Variants in ASTN2 observed in about 807,000 individuals in gnomAD.
ASTN2 encodes astrotactin-2.
Under a neutral mutation model 139.8 loss-of-function variants are expected in ASTN2, and 54 were observed. The ratio of observed to expected loss-of-function variants is 0.39; its 90% confidence interval spans 0.31 to 0.48. The LOEUF (loss-of-function observed/expected upper bound fraction) is 0.48, where lower values mean the gene tolerates loss of function less well. ASTN2 is among the 20% of genes least tolerant of loss of function. The pLI is 0.95. For synonymous variants in ASTN2, 756 were observed against 719.5 expected, an observed-to-expected ratio of 1.05 and a Z score of -0.81; for missense variants, 1,565 against 1,725.1, an observed-to-expected ratio of 0.91 and a Z score of 1.64.
At chr9:117,326,887 AT>A (rs1424205175) in intron 1 of ASTN2, among the ~76,000 whole-genome samples, 8 of 152,178 alleles carry the variant, frequency 5.3e-5, no homozygotes, top group Non-Finnish European at 1.0e-4. Context: ...AAGGATAAAC[AT>A]TTTACCAGTT....
chr9:116,815,444 G>A (rs996648249), intron 12 of ASTN2, among the ~76,000 whole-genome samples: 2 of 152,042 alleles, frequency 1.3e-5, no homozygotes, highest in Non-Finnish European at 2.9e-5. Context: ...CTAACTGGCC[G>A]TGAGTGCCCC....
At chr9:116,629,219 G>C (rs1197569432) in intron 17 of ASTN2, among the ~76,000 whole-genome samples, 2 of 146,092 alleles carry the variant, frequency 1.4e-5, no homozygotes, top group African/African-American at 2.5e-5. Flanking sequence ...CCGGGTTCAC[G>C]CCATTCTCCT....
At chr9:117,080,589 C>T (rs1038786845) in intron 5 of ASTN2, among the ~76,000 whole-genome samples, 6 of 151,434 alleles carry the variant, frequency 4.0e-5, no homozygotes, top group African/African-American at 9.7e-5. Flanking sequence ...AATGAGCTCT[C>T]GAAGGTTTTC....
chr9:116,972,738 T>C (rs554721183), intron 10 of ASTN2, among the ~76,000 whole-genome samples: 2 of 152,334 alleles, frequency 1.3e-5, no homozygotes, highest in East Asian at 3.9e-4. Context: ...TACTGTAGTG[T>C]GAGTTCTCAT....
intron 3 of ASTN2, among the ~76,000 whole-genome samples, chr9:117,156,690 C>T (rs1830440528): frequency 6.6e-6 from 1 of 151,882 alleles, no homozygotes; most frequent in African/African-American, 2.4e-5. Flanking sequence ...CATCACTTTG[C>T]AAAAATGAAA....
chr9:117,336,057 GA>G (rs35679249), intron 1 of ASTN2, among the ~76,000 whole-genome samples: 1,206 of 104,902 alleles, frequency 0.011, 9 homozygotes, highest in African/African-American at 0.033. Flanking sequence ...GTCTGGAAAG[GA>G]AAAAAAAAAA....
rs541798638 is a variant in ASTN2 at position 116,978,068 on chromosome 9, T to C, written c.1592-1283A>G. Among the ~76,000 whole-genome samples, 200 of 152,284 alleles carry C rather than the reference T, an allele frequency of 1.3e-3. 1 individual carries two copies. Among genetic ancestry groups the C allele is most frequent in the South Asian group, 9.1e-3 (44 of 4,822 alleles). On this transcript the variant is annotated intron_variant, in intron 7 of 22. Transcript: ENST00000313400. ...TACTGCTTTTTTCTCCAAGGTTTAT[T>C]TGTGAGATGCTTAAAGATGCTGTAC...
chr9:116,664,517 G>C (rs1360152123), intron 16 of ASTN2, among the ~76,000 whole-genome samples: 2 of 150,584 alleles, frequency 1.3e-5, no homozygotes, highest in African/African-American at 4.9e-5. Context: ...TTATCTACAG[G>C]GGAAACAAGA....
intron 3 of ASTN2, among the ~76,000 whole-genome samples, chr9:117,197,791 G>A (rs1831555904): frequency 6.6e-6 from 1 of 152,110 alleles, no homozygotes; most frequent in South Asian, 2.1e-4. Flanking sequence ...TTTTTTGTCT[G>A]AAAGGTCTTT....
chr9:116,501,797 C>A (rs35453327), intron 19 of ASTN2, among the ~76,000 whole-genome samples: 7,531 of 151,870 alleles, frequency 0.05, 232 homozygotes, highest in Non-Finnish European at 0.069. Flanking sequence ...TCACATGTAT[C>A]CATATGTAAC....
At chr9:116,999,713 C>G (rs1158786667) in intron 7 of ASTN2, among the ~76,000 whole-genome samples, 1 of 151,890 alleles carries the variant, frequency 6.6e-6, no homozygotes, top group African/African-American at 2.4e-5. Flanking sequence ...GCATGTACCA[C>G]CACGCTCAGC....
intron 17 of ASTN2, among the ~76,000 whole-genome samples, chr9:116,638,786 T>C (rs536840432): frequency 8.0e-4 from 88 of 109,878 alleles, no homozygotes; most frequent in Non-Finnish European, 1.4e-3. Flanking sequence ...ATTTAGTTTC[T>C]GATTTGAAAA....
chr9:117,057,695 G>C (rs915244918), intron 5 of ASTN2, among the ~76,000 whole-genome samples: 1 of 152,106 alleles, frequency 6.6e-6, no homozygotes, highest in Non-Finnish European at 1.5e-5. Flanking sequence ...CTTCCATTTC[G>C]ATCATCGACT....
intron 13 of ASTN2, among the ~76,000 whole-genome samples, chr9:116,771,311 C>T (rs1829947982): frequency 3.5e-5 from 1 of 28,910 alleles, no homozygotes; most frequent in Non-Finnish European, 1.7e-4. Flanking sequence ...CTTTACCCCT[C>T]CATGTTCCCA....
intron 1 of ASTN2, among the ~76,000 whole-genome samples, chr9:117,376,504 C>T (rs899928720): frequency 6.6e-6 from 1 of 152,174 alleles, no homozygotes; most frequent in African/African-American, 2.4e-5. Context: ...TGATCTGCCA[C>T]TTTGCATTTT....
chr9:116,903,034 C>T (rs1834061493), intron 10 of ASTN2, among the ~76,000 whole-genome samples: 1 of 152,178 alleles, frequency 6.6e-6, no homozygotes, highest in Non-Finnish European at 1.5e-5. Context: ...GGCCTTTGCA[C>T]TTGCTGTTGT....
chr9:116,958,597 A>G (rs1021674878), intron 10 of ASTN2, among the ~76,000 whole-genome samples: 3 of 152,082 alleles, frequency 2.0e-5, no homozygotes, highest in African/African-American at 7.2e-5. Flanking sequence ...TCAAAAACAA[A>G]CAAACAAAAA....
chr9:116,732,854 C>A (rs1300045446), intron 14 of ASTN2, among the ~76,000 whole-genome samples: 1 of 152,178 alleles, frequency 6.6e-6, no homozygotes, highest in Non-Finnish European at 1.5e-5. Context: ...TAACTTTGGA[C>A]TGGTCCCTTC....
chr9:117,384,873 G>A (rs1048215476), intron 1 of ASTN2, among the ~76,000 whole-genome samples: 3 of 152,150 alleles, frequency 2.0e-5, no homozygotes, highest in Non-Finnish European at 2.9e-5. Context: ...TAGGTGGATG[G>A]CAAATAGATG....
Sources: allele counts gnomAD v4.1 joint callset (sites outside exome capture counted in the v4.1 genomes callset), GRCh38; gene constraint gnomAD v4.1.1; transcripts MANE v1.5; gene names NCBI Gene and HGNC (gene_info 2026-07-23, HGNC 2026-07-21).